Variants in SYNRG observed in about 807,000 individuals in gnomAD.
The protein encoded by SYNRG is synergin gamma.
In SYNRG, 37 loss-of-function variants were observed where a neutral mutation model predicts 130.9. The ratio of observed to expected loss-of-function variants is 0.28; its 90% CI spans 0.22 to 0.37. SYNRG has a LOEUF of 0.37. Among genes scored for constraint, SYNRG ranks in the 10% least tolerant of loss-of-function variants. The pLI is 1.00. For synonymous variants in SYNRG, 539 were observed against 568.1 expected (o/e 0.95, Z 0.73); for missense variants, 1,338 against 1,588.9 (o/e 0.84, Z 2.68).
intron 3 of SYNRG, among the ~76,000 whole-genome samples, chr17:37,595,364 TAA>T (rs997393372): frequency 8.5e-5 from 13 of 152,190 alleles, no homozygotes; most frequent in African/African-American, 3.1e-4. Context: ...TAGAAAATGT[TAA>T]AGTATTAGGT....
In SYNRG at chr17:37,561,258, C is replaced by T. The variant is rs2059510904; in HGVS notation, c.1601-1G>A. 2 of 1,613,482 alleles carry T rather than the reference C, an allele frequency of 1.2e-6. No individual in the cohort carries two copies. Among genetic ancestry groups the T allele is most frequent in the East Asian group, 4.5e-5 (2 of 44,844 alleles). ...AAAGCACTATATTTATCACCAGGAT[C>T]TATGATAGAAAGGACAGAAGCTCAG... is the stretch of plus-strand genomic sequence containing the variant. On this transcript the variant is annotated splice_acceptor_variant, in intron 12 of 21. Coordinates refer to ENST00000612223, the MANE Select transcript of SYNRG (RefSeq NM_007247.6). LOFTEE classifies it high-confidence loss of function.
intron 3 of SYNRG, among the ~76,000 whole-genome samples, chr17:37,593,695 G>A (rs2062414166): frequency 6.6e-6 from 1 of 152,108 alleles, no homozygotes; most frequent in Non-Finnish European, 1.5e-5. Flanking sequence ...AACCAGCCTG[G>A]TCAACATGGC....
intron 3 of SYNRG, 75 bp downstream of exon 3, chr17:37,596,148 T>C (rs1598621041): frequency 1.3e-5 from 19 of 1,516,850 alleles, no homozygotes; most frequent in Non-Finnish European, 1.6e-5. Flanking sequence ...ATTAAGCTCT[T>C]AGCCTGTAGC....
chr17:37,552,296 CAAAAG>C (rs1269728140), intron 14 of SYNRG, among the ~76,000 whole-genome samples: 3 of 151,980 alleles, frequency 2.0e-5, no homozygotes, highest in Non-Finnish European at 4.4e-5. Flanking sequence ...AAAAACAAAA[CAAAAG>C]AAAAACCAGG....
intron 1 of SYNRG, among the ~76,000 whole-genome samples, chr17:37,602,338 A>C (rs1361495605): frequency 2.1e-5 from 3 of 144,584 alleles, no homozygotes; most frequent in Non-Finnish European, 4.6e-5. Context: ...ACTCCGTTTC[A>C]AAAAAAAAAA....
At chr17:37,579,319 A>G (rs1400481571) in intron 6 of SYNRG, 1 of 1,304,140 alleles carries the variant, frequency 7.7e-7, no homozygotes, top group African/African-American at 1.5e-5. Context: ...ACGTGGAAGA[A>G]GGCCCACATG....
In SYNRG at chr17:37,579,161, GC is replaced by G. The variant is rs754572119; in HGVS notation, c.590-1549del. On this transcript the variant is annotated intron_variant, in intron 6 of 21. Transcript: ENST00000612223. ...TTCTGGTACACTGTGTGAGGCTGAAGCAGTAGAGAAGTAAGGAATTTGCCCA... is the reference window on the plus strand; with the variant it reads ...TTCTGGTACACTGTGTGAGGCTGAAGAGTAGAGAAGTAAGGAATTTGCCCA... 6.2e-5 allele frequency: 75 copies of G among 1,205,062 alleles called. No individual in the cohort carries two copies. In the Admixed American group the frequency reaches 1.1e-3, roughly 17 times the overall value. 74.6% of individuals were successfully genotyped at this position (1,205,062 alleles called of 1,614,324 possible). A position where few individuals can be genotyped will look rare whatever the true frequency, so the allele number is the denominator to read the frequency against.
chr17:37,578,309 T>C (rs2061015181), intron 6 of SYNRG, among the ~76,000 whole-genome samples: 1 of 151,070 alleles, frequency 6.6e-6, no homozygotes, highest in Admixed American at 6.6e-5. Context: ...CCAGCCTGGA[T>C]GACAGTGCAA....
At chr17:37,548,879 A>G (rs1486335049) in intron 14 of SYNRG, among the ~76,000 whole-genome samples, 3 of 151,400 alleles carry the variant, frequency 2.0e-5, no homozygotes, top group African/African-American at 7.3e-5. Context: ...TCATGCCTGT[A>G]ATCCCAGCAC....
At chr17:37,599,378 G>A (rs1212632192) in intron 2 of SYNRG, among the ~76,000 whole-genome samples, 5 of 152,178 alleles carry the variant, frequency 3.3e-5, no homozygotes, top group African/African-American at 1.2e-4. Flanking sequence ...GTGGGTCCTA[G>A]TCTGAGACCA....
In SYNRG at chr17:37,520,589, A is replaced by T; in HGVS notation, c.3726T>A (p.Ala1242=). Residue 1242 remains alanine (A), a synonymous_variant, in exon 20 of 22, where the codon GCT becomes GCA. Transcript: ENST00000612223. ...GGCACACTCCACAGGCAAGCTCCTG[A>T]GCATTTTTAATCCCAGGCCGTAACA... ...SCMLRPGIKN[A]QELACGVCLL... is the part of the protein sequence containing the mutation. 6.2e-7 allele frequency: 1 copy of T among 1,614,200 alleles called. No individual in the cohort carries two copies. Among genetic ancestry groups the T allele is most frequent in the Non-Finnish European group, 8.5e-7 (1 of 1,180,040 alleles).
intron 19 of SYNRG, among the ~76,000 whole-genome samples, chr17:37,531,577 G>A (rs1176435587): frequency 6.6e-6 from 1 of 152,132 alleles, no homozygotes; most frequent in East Asian, 1.9e-4. Flanking sequence ...CGGAGTTTGA[G>A]ACCAGCCTGA....
chr17:37,558,841 T>G (rs966184942), intron 13 of SYNRG, among the ~76,000 whole-genome samples: 1 of 152,214 alleles, frequency 6.6e-6, no homozygotes, highest in African/African-American at 2.4e-5. Flanking sequence ...GTGTCTTGGT[T>G]GTGGCCCGAG....
intron 19 of SYNRG, among the ~76,000 whole-genome samples, chr17:37,526,953 A>ACAGC (rs1165427355): frequency 6.6e-6 from 1 of 152,230 alleles, no homozygotes; most frequent in East Asian, 1.9e-4. Context: ...TCAACTGAGG[A>ACAGC]CAGCCATGCA....
At chr17:37,552,564 T>C (rs1335991370) in intron 14 of SYNRG, among the ~76,000 whole-genome samples, 1 of 152,106 alleles carries the variant, frequency 6.6e-6, no homozygotes, top group Non-Finnish European at 1.5e-5. Flanking sequence ...GGCCCTGACA[T>C]ACAGAACATT....
In SYNRG at chr17:37,566,039, C is replaced by T. The variant is rs1434296172; in HGVS notation, c.1481+2752G>A. On this transcript the variant is annotated intron_variant, in intron 11 of 21. Transcript: ENST00000612223. ...GGGGTCAGCCCCCCGCCCGGCCAGC[C>T]GTCCCGTCCGGGAGGTGAGGGGCGC... is the stretch of plus-strand genomic sequence containing the variant. Among the ~76,000 whole-genome samples the T allele has an allele frequency of 2.0e-4, 30 of 148,730 alleles. 1 individual carries two copies. In the South Asian group the frequency reaches 5.3e-3, roughly 26 times the overall value.
chr17:37,522,355 T>C (rs546610049), intron 19 of SYNRG, among the ~76,000 whole-genome samples: 10 of 152,008 alleles, frequency 6.6e-5, no homozygotes, highest in Non-Finnish European at 1.3e-4. Context: ...GTAAAGATGA[T>C]TATCTCCCTA....
intron 19 of SYNRG, among the ~76,000 whole-genome samples, chr17:37,521,787 C>G (rs559684194): frequency 1.2e-4 from 19 of 152,244 alleles, no homozygotes; most frequent in Non-Finnish European, 2.2e-4. Flanking sequence ...CGTGAAAGAG[C>G]TGACGAGGCA....
intron 17 of SYNRG, 142 bp downstream of exon 17, chr17:37,539,050 C>G: frequency 6.8e-7 from 1 of 1,461,920 alleles, no homozygotes. Flanking sequence ...AGATGCATGA[C>G]TTCCACAGAG....
Sources: gnomAD v4.1 joint callset for allele counts (sites outside exome capture counted in the v4.1 genomes callset) on GRCh38, gnomAD v4.1.1 for gene constraint, MANE v1.5 for transcripts, NCBI Gene and HGNC (gene_info 2026-07-23, HGNC 2026-07-21) for gene names.